The following MACROD2 variants were observed in gnomAD, a reference collection of about 807,000 sequenced individuals.
MACROD2 encodes mono-ADP ribosylhydrolase 2, also known as ADP-ribose glycohydrolase MACROD2.
A neutral mutation model predicts 70.4 loss-of-function variants in MACROD2; 36 were observed. The ratio of observed to expected loss-of-function variants is 0.51; its 90% CI spans 0.39 to 0.68. MACROD2 has a LOEUF of 0.68. Among genes scored for constraint, MACROD2 ranks in the 30% least tolerant of loss-of-function variants. The pLI is 0.00. For missense variants in MACROD2, 496 were observed against 538.4 expected (o/e 0.92, Z 0.78); for synonymous variants, 172 against 178.8 (o/e 0.96, Z 0.30).
chr20:14,179,349 G>A (rs1601318242), intron 3 of MACROD2, among the ~76,000 whole-genome samples: 1 of 152,276 alleles, frequency 6.6e-6, no homozygotes, highest in East Asian at 1.9e-4. Flanking sequence ...CAACTACATA[G>A]TGTAACATAA....
At chr20:14,292,825 G>A (rs151014200) in intron 3 of MACROD2, among the ~76,000 whole-genome samples, 2,839 of 151,826 alleles carry the variant, frequency 0.019, 137 homozygotes, top group African/African-American at 0.065. Flanking sequence ...AGTAGAGATG[G>A]GGTTTTGCCA....
intron 15 of MACROD2, among the ~76,000 whole-genome samples, chr20:16,021,539 C>T (rs1041887167): frequency 2.0e-5 from 3 of 152,200 alleles, no homozygotes; most frequent in Non-Finnish European, 2.9e-5. Context: ...GTGGCCTGAA[C>T]ACTGCCTTGT....
At chr20:14,165,853 T>G (rs1308283858) in intron 3 of MACROD2, among the ~76,000 whole-genome samples, 2 of 152,222 alleles carry the variant, frequency 1.3e-5, no homozygotes, top group Non-Finnish European at 2.9e-5. Flanking sequence ...CCTGCCTGTT[T>G]GGCCTTTTCA....
At chr20:14,759,439 A>T (rs1026851328) in intron 5 of MACROD2, among the ~76,000 whole-genome samples, 2 of 152,094 alleles carry the variant, frequency 1.3e-5, no homozygotes, top group Admixed American at 1.3e-4. Context: ...ATTATGCTTT[A>T]TCTTCATATT....
chr20:15,682,840 C>T (rs922702327), intron 8 of MACROD2, among the ~76,000 whole-genome samples: 4 of 152,162 alleles, frequency 2.6e-5, no homozygotes, highest in Non-Finnish European at 2.9e-5. Context: ...ATGAGTTTAA[C>T]TTGGCAAGCT....
intron 5 of MACROD2, among the ~76,000 whole-genome samples, chr20:14,773,814 C>A (rs962351265): frequency 1.3e-5 from 2 of 152,016 alleles, no homozygotes; most frequent in Non-Finnish European, 2.9e-5. Context: ...GCTTAAAGAA[C>A]AGAAAATCAT....
At chr20:15,213,826 C>T (rs992349015) in intron 5 of MACROD2, among the ~76,000 whole-genome samples, 3 of 152,164 alleles carry the variant, frequency 2.0e-5, no homozygotes, top group African/African-American at 7.2e-5. Flanking sequence ...GCTGCAAACA[C>T]AGCCAGCCAT....
chr20:14,881,257 A>T (rs1180379396), intron 5 of MACROD2, among the ~76,000 whole-genome samples: 1 of 150,138 alleles, frequency 6.7e-6, no homozygotes, highest in Non-Finnish European at 1.5e-5. Context: ...TCTTTCATGC[A>T]TTCCCTTCTT....
chr20:14,136,265 A>G (rs1416337853), intron 3 of MACROD2, among the ~76,000 whole-genome samples: 2 of 152,206 alleles, frequency 1.3e-5, no homozygotes, highest in Admixed American at 1.3e-4. Context: ...CTTAAATATA[A>G]GCACAAAAAA....
At chr20:14,670,784 C>T (rs1045923126) in intron 4 of MACROD2, among the ~76,000 whole-genome samples, 8 of 152,106 alleles carry the variant, frequency 5.3e-5, no homozygotes, top group Non-Finnish European at 1.0e-4. Flanking sequence ...CAGATGATGT[C>T]AGAGATTGAG....
chr20:14,436,562 T>C (rs1249851874), intron 3 of MACROD2, among the ~76,000 whole-genome samples: 5 of 152,208 alleles, frequency 3.3e-5, no homozygotes, highest in Non-Finnish European at 7.3e-5. Context: ...TACTCCCTAG[T>C]GAACAATGAG....
intron 3 of MACROD2, among the ~76,000 whole-genome samples, chr20:14,160,076 T>C (rs1015298267): frequency 6.6e-6 from 1 of 152,218 alleles, no homozygotes; most frequent in African/African-American, 2.4e-5. Context: ...TAAAGCCCAC[T>C]TGAACATGTA....
chr20:14,948,551 T>TA (rs1466988056), intron 5 of MACROD2, among the ~76,000 whole-genome samples: 1 of 152,140 alleles, frequency 6.6e-6, no homozygotes, highest in African/African-American at 2.4e-5. Context: ...CAACTCTAAC[T>TA]GTTTCCAGCC....
chr20:15,902,655 C>G (rs1220659394), intron 10 of MACROD2, among the ~76,000 whole-genome samples: 1 of 151,978 alleles, frequency 6.6e-6, no homozygotes, highest in Non-Finnish European at 1.5e-5. Context: ...GGTAAGGCAG[C>G]CGCCATGTAT....
At chr20:14,886,675 T>C (rs1217672224) in intron 5 of MACROD2, among the ~76,000 whole-genome samples, 2 of 152,110 alleles carry the variant, frequency 1.3e-5, no homozygotes, top group African/African-American at 4.8e-5. Flanking sequence ...CCAGGAACCA[T>C]AGGGTATCAA....
At chr20:16,041,147 T>C in intron 15 of MACROD2, 54 bp from the exon 16 acceptor site, 1 of 1,473,260 alleles carries the variant, frequency 6.8e-7, no homozygotes, top group South Asian at 1.2e-5. Flanking sequence ...TGATTGGCCC[T>C]CAGGCTGTTA....
intron 8 of MACROD2, among the ~76,000 whole-genome samples, chr20:15,754,064 T>G (rs932802265): frequency 1.3e-5 from 2 of 152,332 alleles, no homozygotes; most frequent in African/African-American, 4.8e-5. Flanking sequence ...GAATGACTCA[T>G]GTAATAGTTA....
chr20:14,945,114 C>A (rs2074420582), intron 5 of MACROD2, among the ~76,000 whole-genome samples: 1 of 148,958 alleles, frequency 6.7e-6, no homozygotes, highest in Admixed American at 6.7e-5. Flanking sequence ...TTCTTTCTTT[C>A]TTTTTTTTTT....
chr20:14,118,710 T>C (rs1262431959), intron 3 of MACROD2, among the ~76,000 whole-genome samples: 1 of 152,154 alleles, frequency 6.6e-6, no homozygotes, highest in Non-Finnish European at 1.5e-5. Context: ...GTATTGCCTG[T>C]TGTTTTCAGT....
Sources: gnomAD v4.1 joint callset for allele counts (sites outside exome capture counted in the v4.1 genomes callset) on GRCh38, gnomAD v4.1.1 for gene constraint, MANE v1.5 for transcripts, NCBI Gene and HGNC (gene_info 2026-07-23, HGNC 2026-07-21) for gene names.